The following PIK3C2B variants were observed in gnomAD, a reference collection of about 807,000 sequenced individuals.
PIK3C2B encodes phosphatidylinositol-4-phosphate 3-kinase catalytic subunit type 2 beta.
A neutral mutation model predicts 184.3 loss-of-function variants in PIK3C2B; 83 were observed. That is an observed-to-expected ratio of 0.45 (90% CI 0.38 to 0.54). The LOEUF (loss-of-function observed/expected upper bound fraction) is 0.54, where lower values mean the gene tolerates loss of function less well. Among genes scored for constraint, PIK3C2B ranks in the 20% least tolerant of loss-of-function variants. The pLI, the probability that PIK3C2B is intolerant of heterozygous loss-of-function variation, is 0.00. For synonymous variants in PIK3C2B, 779 were observed against 837.6 expected, an observed-to-expected ratio of 0.93 and a Z score of 1.21; for missense variants, 1,736 against 2,113.5, an observed-to-expected ratio of 0.82 and a Z score of 3.50.
chr1:204,427,415 C>T (rs1281181465), intron 31 of PIK3C2B, among the ~76,000 whole-genome samples: 3 of 152,176 alleles, frequency 2.0e-5, no homozygotes, highest in Non-Finnish European at 4.4e-5. Flanking sequence ...ACATTTTCCT[C>T]ATTCTAATGA....
intron 15 of PIK3C2B, 126 bp from the exon 16 acceptor site, chr1:204,446,270 C>T: frequency 1.8e-6 from 1 of 541,006 alleles, no homozygotes; most frequent in Middle Eastern, 5.1e-4. Context: ...TCAGCGGTTC[C>T]CAAGCTTTGC....
At chr1:204,487,553 C>G (rs1442456394) in intron 1 of PIK3C2B, among the ~76,000 whole-genome samples, 2 of 152,168 alleles carry the variant, frequency 1.3e-5, no homozygotes, top group African/African-American at 2.4e-5. Flanking sequence ...AGCTCCTCAT[C>G]ATAGGATCAG....
chr1:204,481,220 TC>T (rs1401302291), intron 1 of PIK3C2B, among the ~76,000 whole-genome samples: 1 of 147,534 alleles, frequency 6.8e-6, no homozygotes, highest in Non-Finnish European at 1.5e-5. Flanking sequence ...TCACCAGCTC[TC>T]CCAGAAGAGA....
intron 28 of PIK3C2B, among the ~76,000 whole-genome samples, chr1:204,431,168 A>G (rs1675035200): frequency 1.3e-5 from 2 of 152,220 alleles, no homozygotes; most frequent in Non-Finnish European, 2.9e-5. Flanking sequence ...GACCTGGGCA[A>G]CTAGCTTTCT....
rs75936924 is a variant in PIK3C2B at position 204,492,427 on chromosome 1, T to C, written c.-85+1929A>G. 6.0e-3 allele frequency among the ~76,000 whole-genome samples: 916 copies of C among 152,288 alleles called. 7 individuals are homozygous for C. Among genetic ancestry groups the C allele is most frequent in the African/African-American group, 0.021 (859 of 41,558 alleles). ...GGGAACATGAGGAGCCTGAACCTTA[T>C]AGCTAGTTACAAGCCCCTAAAAGGA... is the stretch of plus-strand genomic sequence containing the variant. On this transcript the variant is annotated intron_variant, in intron 1 of 32. Coordinates refer to ENST00000684373, the MANE Select transcript of PIK3C2B (RefSeq NM_001377334.1).
intron 21 of PIK3C2B, 51 bp from the exon 22 acceptor site, chr1:204,440,372 TC>T (rs1406125132): frequency 6.6e-7 from 1 of 1,518,836 alleles, no homozygotes; most frequent in Non-Finnish European, 8.8e-7. Flanking sequence ...CCTCCCCAGC[TC>T]TCAGGTCTCC....
chr1:204,457,980 A>G lies in PIK3C2B; in HGVS notation c.1567-106T>C, dbSNP rs968312212. On this transcript the variant is annotated intron_variant, in intron 8 of 32. Transcript: ENST00000684373. ...AAGGAAAGGGTTGGGAAGAGTAGAG[A>G]GATTCATGATCCTCAGGGGTAAATG... is the stretch of plus-strand genomic sequence containing the variant. 12 of 934,292 alleles carry G rather than the reference A, an allele frequency of 1.3e-5. No individual in the cohort carries two copies. In the African/African-American group the frequency reaches 1.9e-4, roughly 15 times the overall value. The allele number at this position is 934,292 out of a possible 1,614,324, so 57.9% of individuals were successfully genotyped here. A position where few individuals can be genotyped will look rare whatever the true frequency, so the allele number is the denominator to read the frequency against.
intron 23 of PIK3C2B, chr1:204,435,479 T>C (rs1260552472): frequency 6.6e-6 from 1 of 152,116 alleles, no homozygotes; most frequent in Non-Finnish European, 1.5e-5. Context: ...TGCATGAAAT[T>C]AGGAATGAGG....
At chr1:204,494,043 T>G (rs1300867233) in intron 1 of PIK3C2B, among the ~76,000 whole-genome samples, 6 of 152,228 alleles carry the variant, frequency 3.9e-5, no homozygotes. Flanking sequence ...CAGATCGCCC[T>G]GCAGCTGGGA....
Position 204,446,243 on chromosome 1 carries a change from G to A in PIK3C2B, c.2490-99C>T, listed in dbSNP as rs1481356004. ...GTGCAGCCCTTACCCTCAAGGGAGT[G>A]CTGCACACACTGCAATTCAGCGGTT... On this transcript the variant is annotated intron_variant, in intron 15 of 32. Coordinates refer to ENST00000684373, the MANE Select transcript of PIK3C2B (RefSeq NM_001377334.1). 6 of 719,166 alleles carry A rather than the reference G, an allele frequency of 8.3e-6. No individual in the cohort carries two copies. In the East Asian group the frequency reaches 1.7e-4, roughly 21 times the overall value. The allele number at this position is 719,166 out of a possible 1,614,324, so 44.5% of individuals were successfully genotyped here.
At chr1:204,492,550 G>A (rs1220259744) in intron 1 of PIK3C2B, among the ~76,000 whole-genome samples, 2 of 152,108 alleles carry the variant, frequency 1.3e-5, no homozygotes, top group African/African-American at 4.8e-5. Context: ...GGCACAGGAG[G>A]AGTGGGGACA....
In PIK3C2B at chr1:204,460,637, C is replaced by T. The variant is rs776257065; in HGVS notation, c.1335G>A (p.Glu445=). 38 of 1,612,714 alleles carry T rather than the reference C, an allele frequency of 2.4e-5. No individual in the cohort carries two copies. The highest frequency in any genetic ancestry group is 3.3e-4 in the Middle Eastern group (2 of 6,052). Residue 445 remains glutamate (E), a synonymous_variant, in exon 6 of 33, where the codon GAG becomes GAA. Coordinates refer to ENST00000684373, the MANE Select transcript of PIK3C2B (RefSeq NM_001377334.1). ...LQNKHALGSH[E]YIQYCRKFDI... is the part of the protein sequence containing the mutation. ...CAAACTTGCGGCAGTATTGGATGTACTCATGACTGCCCAAGGCATGCTTGC... is the reference window on the plus strand; with the variant it reads ...CAAACTTGCGGCAGTATTGGATGTATTCATGACTGCCCAAGGCATGCTTGC...
At position 204,424,815 on chromosome 1, in the gene PIK3C2B, C is replaced by T. The variant is rs375764799; in HGVS notation, c.*37G>A. The T allele has an allele frequency of 1.3e-5, 21 of 1,604,640 alleles. No homozygotes were observed. The highest frequency in any genetic ancestry group is 1.7e-5 in the Non-Finnish European group (20 of 1,171,768). On this transcript the variant is annotated 3_prime_UTR_variant, in exon 33 of 33. Coordinates refer to ENST00000684373, the MANE Select transcript of PIK3C2B (RefSeq NM_001377334.1). ...GAGAGTCCTCTCCCCCAGCTCCTGC[C>T]ACCAGCCTGGGATGCTGGGTGGTGG...
At chr1:204,485,366 A>G (rs911314397) in intron 1 of PIK3C2B, among the ~76,000 whole-genome samples, 1 of 152,130 alleles carries the variant, frequency 6.6e-6, no homozygotes, top group African/African-American at 2.4e-5. Context: ...AAAATTTGTT[A>G]TTCCTTTCTT....
At chr1:204,443,130 C>A (rs888805229) in intron 19 of PIK3C2B, among the ~76,000 whole-genome samples, 1 of 152,242 alleles carries the variant, frequency 6.6e-6, no homozygotes, top group Non-Finnish European at 1.5e-5. Flanking sequence ...TCACTTGCCC[C>A]TTCTGGCTGA....
Position 204,425,059 on chromosome 1 carries a change from G to A in PIK3C2B, c.4717-19C>T, listed in dbSNP as rs779290540. On this transcript the variant is annotated intron_variant, in intron 32 of 32. Coordinates refer to ENST00000684373, the MANE Select transcript of PIK3C2B (RefSeq NM_001377334.1). ...ATACCAACTGCAAACATAGAGATGG[G>A]TGAGGGAAGTGGTGAGAGAAGGAAC... is the stretch of plus-strand genomic sequence containing the variant. 3.1e-6 allele frequency: 5 copies of A among 1,602,212 alleles called. No individual in the cohort carries two copies. Among genetic ancestry groups the A allele is most frequent in the East Asian group, 2.2e-5 (1 of 44,786 alleles).
In PIK3C2B at chr1:204,469,187, G is replaced by A. The variant is rs758092548; in HGVS notation, c.616C>T (p.Arg206Trp). ...AGCACCTCTTCCTCTTCTAGGATCC[G>A]ATGCTCTAGCAGTTTGCCCGGCAAT... ...EQLPGKLLEH[R>W]ILEEEEVLGG... is the part of the protein sequence containing the mutation. The change falls in exon 2 of 33, where the codon CGG (arginine) becomes TGG (tryptophan). Residue 206 changes from arginine to tryptophan, a missense_variant. By Grantham distance (101) the Arg-to-Trp change is moderately radical (BLOSUM62 -3). Transcript: ENST00000684373. The A allele has an allele frequency of 1.4e-5, 22 of 1,613,360 alleles. No homozygotes were observed. The highest frequency in any genetic ancestry group is 8.3e-5 in the Admixed American group (5 of 59,970).
chr1:204,457,657 C>T (rs1475553622), intron 9 of PIK3C2B, 71 bp downstream of exon 9: 2 of 1,449,762 alleles, frequency 1.4e-6, no homozygotes, highest in African/African-American at 1.4e-5. Context: ...CACACTCTAG[C>T]AACAGGCAAC....
intron 22 of PIK3C2B, 79 bp from the exon 23 acceptor site, chr1:204,439,150 C>A: frequency 1.4e-6 from 2 of 1,422,806 alleles, no homozygotes; most frequent in Admixed American, 1.9e-5. Context: ...GGACTGTGCT[C>A]ATGCTTCCCT....
Sources: allele counts gnomAD v4.1 joint callset (sites outside exome capture counted in the v4.1 genomes callset), GRCh38; gene constraint gnomAD v4.1.1; transcripts MANE v1.5; gene names NCBI Gene and HGNC (gene_info 2026-07-23, HGNC 2026-07-21).